The following CHSY3 variants were observed in gnomAD, a reference collection of about 807,000 sequenced individuals.
CHSY3 encodes N-acetylgalactosaminyl-proteoglycan 3-beta-glucuronosyltransferase 3.
A neutral mutation model predicts 67.2 loss-of-function variants in CHSY3; 35 were observed. The ratio of observed to expected loss-of-function variants is 0.52; its 90% CI spans 0.40 to 0.69. The LOEUF (loss-of-function observed/expected upper bound fraction) is 0.69, where lower values mean the gene tolerates loss of function less well. Among genes scored for constraint, CHSY3 ranks in the 30% least tolerant of loss-of-function variants. The probability of loss-of-function intolerance (pLI) is 0.00; values close to 1 mark genes in which losing one functional copy is unlikely to be tolerated. For missense variants in CHSY3, 1,069 were observed against 1,138.5 expected, an observed-to-expected ratio of 0.94 and a Z score of 0.88; for synonymous variants, 474 against 434.7, an observed-to-expected ratio of 1.09 and a Z score of -1.12.
At chr5:130,024,158 T>G (rs1161949089) in intron 2 of CHSY3, among the ~76,000 whole-genome samples, 1 of 121,942 alleles carries the variant, frequency 8.2e-6, no homozygotes, top group East Asian at 2.5e-4. Context: ...AAAAAAAGCC[T>G]GTCTTGCTTT....
At chr5:129,924,575 G>A (rs977356602) in intron 2 of CHSY3, among the ~76,000 whole-genome samples, 1 of 151,024 alleles carries the variant, frequency 6.6e-6, no homozygotes, top group Non-Finnish European at 1.5e-5. Flanking sequence ...GAACCTGGGA[G>A]GCAGAGGTTG....
intron 2 of CHSY3, among the ~76,000 whole-genome samples, chr5:130,089,724 T>A (rs955671685): frequency 1.3e-5 from 2 of 152,124 alleles, no homozygotes; most frequent in African/African-American, 4.8e-5. Flanking sequence ...AAAACTGGAT[T>A]TCTCTTATTT....
In CHSY3 at chr5:130,086,439, C is replaced by CT. The variant is rs1273658183; in HGVS notation, c.1087-97783dup. Among the ~76,000 whole-genome samples the CT allele has an allele frequency of 9.9e-3, 1,504 of 151,884 alleles. 25 individuals carry two copies. The highest frequency in any genetic ancestry group is 0.034 in the African/African-American group (1,426 of 41,412). On this transcript the variant is annotated intron_variant, in intron 2 of 2. Coordinates refer to ENST00000305031, the MANE Select transcript of CHSY3 (RefSeq NM_175856.5). Reference sequence around the variant, plus strand: ...CAGAGACTAGGATTGCAACCCCTGCCTTTTTTTGTTTTCCATTTGCTTGGT... The same window carrying CT: ...CAGAGACTAGGATTGCAACCCCTGCCTTTTTTTTGTTTTCCATTTGCTTGGT...
intron 2 of CHSY3, among the ~76,000 whole-genome samples, chr5:130,038,722 C>G (rs1386821902): frequency 1.3e-5 from 2 of 152,098 alleles, no homozygotes; most frequent in African/African-American, 2.4e-5. Flanking sequence ...CAACAGAAGA[C>G]AATTAACTTC....
chr5:129,984,482 A>G (rs1763114854), intron 2 of CHSY3, among the ~76,000 whole-genome samples: 1 of 152,118 alleles, frequency 6.6e-6, no homozygotes, highest in South Asian at 2.1e-4. Context: ...CACTGCTATG[A>G]CACACACATT....
chr5:130,175,216 ACAAT>A (rs147543065), intron 2 of CHSY3, among the ~76,000 whole-genome samples: 6,026 of 152,262 alleles, frequency 0.04, 325 homozygotes, highest in East Asian at 0.25. Context: ...CCAATAATAG[ACAAT>A]CAGAGAGCCA....
chr5:129,972,816 G>A (rs144656507), intron 2 of CHSY3, among the ~76,000 whole-genome samples: 39 of 152,120 alleles, frequency 2.6e-4, no homozygotes, highest in Admixed American at 1.4e-3. Context: ...CATCTTGAGT[G>A]CTGTCTGTTG....
rs541841241 is a variant in CHSY3, at chr5:130,168,096, C to T, written c.1087-16133C>T. On this transcript the variant is annotated intron_variant, in intron 2 of 2. Transcript: ENST00000305031. Reference sequence around the variant, plus strand: ...TTAAGTAGTTGAAAGGTCCCCAAAACCCAGGTCTAACTCCACCACTTTAAA... The same window carrying T: ...TTAAGTAGTTGAAAGGTCCCCAAAATCCAGGTCTAACTCCACCACTTTAAA... Among the ~76,000 whole-genome samples the T allele has an allele frequency of 9.2e-5, 14 of 152,196 alleles. 1 individual carries two copies. In the East Asian group the frequency reaches 2.3e-3, roughly 25 times the overall value.
intron 2 of CHSY3, among the ~76,000 whole-genome samples, chr5:130,182,033 A>G (rs1382588696): frequency 6.6e-6 from 1 of 152,004 alleles, no homozygotes; most frequent in Admixed American, 6.6e-5. Flanking sequence ...GCATATATCT[A>G]AGAGAGAATT....
intron 2 of CHSY3, among the ~76,000 whole-genome samples, chr5:130,104,860 ATCATTTAAT>A (rs1767366264): frequency 6.6e-6 from 1 of 151,826 alleles, no homozygotes; most frequent in East Asian, 1.9e-4. Flanking sequence ...AATTAAATGT[ATCATTTAAT>A]TAGTGGTACA....
At chr5:130,060,730 A>T (rs1240310615) in intron 2 of CHSY3, among the ~76,000 whole-genome samples, 1 of 152,200 alleles carries the variant, frequency 6.6e-6, no homozygotes, top group Admixed American at 6.6e-5. Flanking sequence ...TACAAAAATC[A>T]GTGTGCAGAA....
At chr5:130,049,339 ATGTCAGC>A (rs975602328) in intron 2 of CHSY3, among the ~76,000 whole-genome samples, 15 of 152,102 alleles carry the variant, frequency 9.9e-5, no homozygotes, top group African/African-American at 3.6e-4. Context: ...GCTTCTCTTT[ATGTCAGC>A]TGGGAACATG....
rs566116648 is a variant in CHSY3 at position 130,047,469 on chromosome 5, T to C, written c.1087-136760T>C. Among the ~76,000 whole-genome samples, 5 of 152,192 alleles carry C rather than the reference T, an allele frequency of 3.3e-5. No individual in the cohort carries two copies. The South Asian group carries it at 1.0e-3, about 32-fold the overall frequency. ...TAAATACTACATTGTAGGAAAGAAT[T>C]GTCTTCTGAAATATTATAGGTTAGT... is the stretch of plus-strand genomic sequence containing the variant. On this transcript the variant is annotated intron_variant, in intron 2 of 2. Transcript: ENST00000305031.
chr5:129,904,230 G>A (rs1014121193), upstream of CHSY3, among the ~76,000 whole-genome samples: 1 of 151,524 alleles, frequency 6.6e-6, no homozygotes, highest in African/African-American at 2.4e-5. Context: ...GAGGCGGCCC[G>A]ACAGGGATCG....
At chr5:129,939,690 T>C (rs1761636624) in intron 2 of CHSY3, among the ~76,000 whole-genome samples, 1 of 152,208 alleles carries the variant, frequency 6.6e-6, no homozygotes, top group African/African-American at 2.4e-5. Flanking sequence ...AGTCTGAATT[T>C]ACATTTGGAA....
At chr5:129,977,390 C>A (rs961277743) in intron 2 of CHSY3, among the ~76,000 whole-genome samples, 2 of 152,132 alleles carry the variant, frequency 1.3e-5, no homozygotes, top group Non-Finnish European at 2.9e-5. Context: ...ACTATCTGTA[C>A]CTTTATGAAT....
At chr5:130,155,998 C>T (rs1416662842) in intron 2 of CHSY3, among the ~76,000 whole-genome samples, 1 of 152,130 alleles carries the variant, frequency 6.6e-6, no homozygotes, top group Non-Finnish European at 1.5e-5. Flanking sequence ...TCTGCTAATC[C>T]AAATCAATAG....
At chr5:130,026,896 C>T (rs534248677) in intron 2 of CHSY3, among the ~76,000 whole-genome samples, 42 of 152,106 alleles carry the variant, frequency 2.8e-4, no homozygotes, top group Non-Finnish European at 3.8e-4. Flanking sequence ...TTTTTCCCAA[C>T]GGCCATGTGT....
At chr5:129,940,575 T>C (rs1761665711) in intron 2 of CHSY3, among the ~76,000 whole-genome samples, 2 of 152,068 alleles carry the variant, frequency 1.3e-5, no homozygotes, top group East Asian at 1.9e-4. Flanking sequence ...TTTTGGAAAA[T>C]TACATAAAAT....
Sources: gnomAD v4.1 joint callset for allele counts (sites outside exome capture counted in the v4.1 genomes callset) on GRCh38, gnomAD v4.1.1 for gene constraint, MANE v1.5 for transcripts, NCBI Gene and HGNC (gene_info 2026-07-23, HGNC 2026-07-21) for gene names.